The following DENND4A variants were observed in gnomAD, a reference collection of about 807,000 sequenced individuals.
DENND4A encodes C-myc promoter-binding protein.
A neutral mutation model predicts 199.3 loss-of-function variants in DENND4A; 70 were observed. That is an observed-to-expected ratio of 0.35 (90% CI 0.29 to 0.43). The LOEUF is 0.43. DENND4A is among the 20% of genes least tolerant of loss of function. The pLI is 1.00. For synonymous variants in DENND4A, 686 were observed against 766.9 expected (o/e 0.89, Z 1.74); for missense variants, 1,723 against 2,255.8 (o/e 0.76, Z 4.78).
chr15:65,785,164 TA>T (rs1279144532), intron 1 of DENND4A, among the ~76,000 whole-genome samples: 1 of 150,862 alleles, frequency 6.6e-6, no homozygotes, highest in African/African-American at 2.4e-5. Flanking sequence ...TAGTGGTAAA[TA>T]TTTTTTTTGT....
intron 1 of DENND4A, among the ~76,000 whole-genome samples, chr15:65,764,567 G>C (rs1269352294): frequency 4.6e-5 from 7 of 152,032 alleles, no homozygotes; most frequent in African/African-American, 1.7e-4. Flanking sequence ...GGAGGCGGAG[G>C]TTGCAGTGAG....
intron 11 of DENND4A, among the ~76,000 whole-genome samples, chr15:65,725,021 C>A (rs1218079693): frequency 6.6e-6 from 1 of 152,202 alleles, no homozygotes; most frequent in African/African-American, 2.4e-5. Flanking sequence ...CTGATCACAT[C>A]TAATTACTGT....
rs780091450 is a variant in DENND4A, at chr15:65,667,547, C to T, written c.5143G>A (p.Val1715Ile). The change falls in exon 29 of 33, where the codon GTT becomes ATT. Residue 1715 changes from valine (V) to isoleucine (I), a missense_variant. By Grantham distance (29) the Val-to-Ile change is conservative. Coordinates refer to ENST00000443035, the MANE Select transcript of DENND4A (RefSeq NM_001320835.1). Reference sequence around the variant, plus strand: ...AAATACCATACCAGGTTCCAAAAAACAATTGGATGATGGTCCACAAAGTCT... The same window carrying T: ...AAATACCATACCAGGTTCCAAAAAATAATTGGATGATGGTCCACAAAGTCT... ...VADFVDHHPI[V>I]FWNLVWYFRR... 6.2e-7 allele frequency: 1 copy of T among 1,613,922 alleles called. No homozygotes were observed. The highest frequency in any genetic ancestry group is 2.2e-5 in the East Asian group (1 of 44,872).
intron 14 of DENND4A, among the ~76,000 whole-genome samples, chr15:65,712,183 AAG>A (rs1257683565): frequency 7.9e-5 from 12 of 152,238 alleles, no homozygotes; most frequent in African/African-American, 2.9e-4. Flanking sequence ...CAGCACCAGA[AAG>A]AGTATTTCTC....
intron 11 of DENND4A, among the ~76,000 whole-genome samples, chr15:65,723,425 T>C (rs1486646163): frequency 6.6e-6 from 1 of 152,176 alleles, no homozygotes; most frequent in African/African-American, 2.4e-5. Flanking sequence ...AGTTTCTTAG[T>C]TTCCTAAGAG....
At chr15:65,681,423 T>C (rs949107246) in intron 23 of DENND4A, 4 of 152,252 alleles carry the variant, frequency 2.6e-5, no homozygotes, top group Non-Finnish European at 5.9e-5. Context: ...ATTATGGCTA[T>C]AACTTTATGA....
intron 15 of DENND4A, among the ~76,000 whole-genome samples, chr15:65,704,793 T>C (rs915372074): frequency 1.3e-5 from 2 of 151,762 alleles, no homozygotes; most frequent in Non-Finnish European, 2.9e-5. Flanking sequence ...GTTTTCACCA[T>C]GTTGGCCAGG....
In DENND4A at chr15:65,667,925, T is replaced by C. The variant is rs771679645; in HGVS notation, c.4986A>G (p.Thr1662=). ...GSLPATLQGA[T]DSLGLEWHLP... ...TAAAAAAATACACCAAAATACATACTGTAGCTCCTTGTAAAGTAGCTGGCA... is the reference window on the plus strand; with the variant it reads ...TAAAAAAATACACCAAAATACATACCGTAGCTCCTTGTAAAGTAGCTGGCA... The change falls in exon 28 of 33, where the codon ACA becomes ACG. Residue 1662 remains threonine, a splice_region_variant and synonymous_variant. Transcript: ENST00000443035. 2 of 1,604,846 alleles carry C rather than the reference T, an allele frequency of 1.2e-6. No individual in the cohort carries two copies. The highest frequency in any genetic ancestry group is 1.7e-6 in the Non-Finnish European group (2 of 1,178,010).
intron 4 of DENND4A, among the ~76,000 whole-genome samples, chr15:65,751,223 C>G (rs866761553): frequency 3.3e-5 from 5 of 152,066 alleles, no homozygotes; most frequent in South Asian, 4.2e-4. Context: ...GTTCGAGATA[C>G]ATTTTGAAAT....
At chr15:65,791,362 A>G (rs1182925984) in intron 1 of DENND4A, among the ~76,000 whole-genome samples, 1 of 152,248 alleles carries the variant, frequency 6.6e-6, no homozygotes, top group African/African-American at 2.4e-5. Flanking sequence ...ATTTTAGGTC[A>G]CAAGCTTTTT....
chr15:65,734,624 T>G (rs911842553), intron 7 of DENND4A, among the ~76,000 whole-genome samples: 2 of 152,018 alleles, frequency 1.3e-5, no homozygotes, highest in African/African-American at 2.4e-5. Context: ...CCCCTTCAAT[T>G]AAAGTACTCA....
At chr15:65,723,743 T>C (rs2075718904) in intron 11 of DENND4A, among the ~76,000 whole-genome samples, 1 of 152,134 alleles carries the variant, frequency 6.6e-6, no homozygotes, top group Non-Finnish European at 1.5e-5. Flanking sequence ...TATAATAAAA[T>C]AGAATTATAA....
At chr15:65,681,531 A>T (rs2076573274) in intron 23 of DENND4A, among the ~76,000 whole-genome samples, 1 of 150,956 alleles carries the variant, frequency 6.6e-6, no homozygotes. Context: ...TCTCCTTGAC[A>T]TTTCTTTTTT....
In DENND4A at chr15:65,690,901, C is replaced by T; in HGVS notation, c.3693G>A (p.Glu1231=). The change falls in exon 23 of 33, where the codon GAG becomes GAA. Residue 1231 remains glutamate, a synonymous_variant. Coordinates refer to ENST00000443035, the MANE Select transcript of DENND4A (RefSeq NM_001320835.1). The stretch of plus-strand genomic sequence containing the variant: ...AAATGCTTTTGCTATCATCTTCATC[C>T]TCCTCCTCTTCTTCTTTTTGCTGCT... The part of the protein sequence containing the change: ...TEQQQKEEEE[E]DEDDSKSIST... 1 of 1,608,572 alleles carries T rather than the reference C, an allele frequency of 6.2e-7. No homozygotes were observed.
chr15:65,668,169 C>T, intron 27 of DENND4A, 46 bp from the exon 28 acceptor site: 1 of 1,272,204 alleles, frequency 7.9e-7, no homozygotes, highest in Non-Finnish European at 1.1e-6. Context: ...TCTAGATTTA[C>T]TTTACTTCAT....
intron 3 of DENND4A, among the ~76,000 whole-genome samples, chr15:65,755,939 G>C (rs1352968723): frequency 6.6e-6 from 1 of 152,146 alleles, no homozygotes; most frequent in Non-Finnish European, 1.5e-5. Flanking sequence ...AGAAACCCAG[G>C]CAAGGTAAGA....
intron 32 of DENND4A, among the ~76,000 whole-genome samples, chr15:65,663,881 G>T (rs2075955593): frequency 6.6e-6 from 1 of 151,664 alleles, no homozygotes. Flanking sequence ...CAAACTCCTG[G>T]CCTCAAGCGA....
intron 1 of DENND4A, among the ~76,000 whole-genome samples, chr15:65,790,729 G>T (rs915684789): frequency 1.3e-5 from 2 of 152,012 alleles, no homozygotes; most frequent in Admixed American, 1.3e-4. Context: ...GTTCAAACAG[G>T]GTTCAAACAG....
chr15:65,721,683 T>C (rs540919619), intron 12 of DENND4A, among the ~76,000 whole-genome samples: 6 of 151,376 alleles, frequency 4.0e-5, no homozygotes, highest in African/African-American at 1.5e-4. Flanking sequence ...CTCACTGCAG[T>C]CTTAACTCCC....
Sources: allele counts gnomAD v4.1 joint callset (sites outside exome capture counted in the v4.1 genomes callset), GRCh38; gene constraint gnomAD v4.1.1; transcripts MANE v1.5; gene names NCBI Gene and HGNC (gene_info 2026-07-23, HGNC 2026-07-21).